TERF1: variants seen among roughly 807,000 people sequenced by gnomAD.
TERF1 encodes telomeric repeat-binding factor 1.
In TERF1, 20 loss-of-function variants were observed where a neutral mutation model predicts 55.1. The ratio of observed to expected loss-of-function variants is 0.36; its 90% CI spans 0.26 to 0.53. TERF1 has a LOEUF of 0.53. Among genes scored for constraint, TERF1 ranks in the 20% least tolerant of loss-of-function variants. The pLI, the probability that TERF1 is intolerant of heterozygous loss-of-function variation, is 0.91. For missense variants in TERF1, 439 were observed against 535.7 expected, an observed-to-expected ratio of 0.82 and a Z score of 1.78; for synonymous variants, 168 against 181.2, an observed-to-expected ratio of 0.93 and a Z score of 0.59.
intron 2 of TERF1, among the ~76,000 whole-genome samples, chr8:73,017,895 G>A (rs56258810): frequency 0.012 from 1,758 of 152,126 alleles, 39 homozygotes; most frequent in African/African-American, 0.04. Flanking sequence ...TAGAGACAGG[G>A]TTTCACCATG....
intron 8 of TERF1, among the ~76,000 whole-genome samples, chr8:73,038,505 A>C (rs1003404744): frequency 6.6e-6 from 1 of 151,856 alleles, no homozygotes; most frequent in Non-Finnish European, 1.5e-5. Flanking sequence ...TTTTGTGGCT[A>C]TTGTAAATAG....
At chr8:73,019,585 G>C (rs1173515078) in intron 2 of TERF1, among the ~76,000 whole-genome samples, 1 of 152,136 alleles carries the variant, frequency 6.6e-6, no homozygotes, top group Admixed American at 6.5e-5. Flanking sequence ...ACGCTGGAAG[G>C]CTGTGGTGTC....
chr8:73,037,701 ATAT>A lies in TERF1; in HGVS notation c.1040-1411_1040-1409del, dbSNP rs1348426096. On this transcript the variant is annotated intron_variant, in intron 8 of 9. Transcript: ENST00000276603. ...TATATAATATATATTATATAGTATA[ATAT>A]TATATTATATATAATATATATTATA... 2.3e-3 allele frequency among the ~76,000 whole-genome samples: 36 copies of A among 15,704 alleles called. 1 individual carries two copies. Among genetic ancestry groups the A allele is most frequent in the African/African-American group, 5.7e-3 (32 of 5,620 alleles). The allele number at this position is 15,704 out of a possible 152,430, so 10.3% of individuals were successfully genotyped here. A position where few individuals can be genotyped will look rare whatever the true frequency, so the allele number is the denominator to read the frequency against.
At chr8:73,025,121 A>G (rs1808923879) in intron 5 of TERF1, 150 bp downstream of exon 5, 2 of 485,392 alleles carry the variant, frequency 4.1e-6, no homozygotes, top group Non-Finnish European at 6.8e-6. Context: ...CATTTTGTGG[A>G]CCTAATTAAA....
At chr8:73,026,874 G>A in intron 5 of TERF1, 66 bp from the exon 6 acceptor site, 1 of 1,184,784 alleles carries the variant, frequency 8.4e-7, no homozygotes, top group South Asian at 1.3e-5. Flanking sequence ...TTAATTTAAT[G>A]CTATTTGTTT....
At chr8:73,023,883 A>T (rs1248477250) in intron 4 of TERF1, among the ~76,000 whole-genome samples, 3 of 152,198 alleles carry the variant, frequency 2.0e-5, no homozygotes, top group Non-Finnish European at 4.4e-5. Flanking sequence ...CTTCTTTGGG[A>T]GATCATTTTA....
At chr8:73,037,952 T>C (rs1006820720) in intron 8 of TERF1, among the ~76,000 whole-genome samples, 1 of 132,256 alleles carries the variant, frequency 7.6e-6, no homozygotes, top group African/African-American at 2.8e-5. Flanking sequence ...ATATAAAACA[T>C]ATATATATTT....
At chr8:73,025,608 T>A (rs1175425224) in intron 5 of TERF1, among the ~76,000 whole-genome samples, 1 of 151,600 alleles carries the variant, frequency 6.6e-6, no homozygotes, top group Non-Finnish European at 1.5e-5. Context: ...TACAAAAAAA[T>A]TAGCTGGGTG....
intron 6 of TERF1, among the ~76,000 whole-genome samples, chr8:73,028,480 A>G (rs1353892865): frequency 6.6e-6 from 1 of 151,898 alleles, no homozygotes; most frequent in Non-Finnish European, 1.5e-5. Flanking sequence ...ATCTCTTTAG[A>G]TCACTCCCAG....
chr8:73,016,757 C>A (rs1808526120), intron 2 of TERF1, among the ~76,000 whole-genome samples: 1 of 152,112 alleles, frequency 6.6e-6, no homozygotes, highest in African/African-American at 2.4e-5. Context: ...CAGCACATGT[C>A]CTGTGGAGAA....
intron 8 of TERF1, 131 bp from the exon 9 acceptor site, chr8:73,038,985 G>C (rs1809718104): frequency 2.5e-6 from 2 of 807,116 alleles, no homozygotes; most frequent in Non-Finnish European, 3.7e-6. Flanking sequence ...CAGATTTGAA[G>C]GAAAAAGTTA....
intron 2 of TERF1, among the ~76,000 whole-genome samples, chr8:73,014,976 A>G (rs990104176): frequency 1.3e-5 from 2 of 152,246 alleles, no homozygotes; most frequent in Admixed American, 6.5e-5. Context: ...CATGCAGACT[A>G]TAAGTTGACA....
chr8:73,014,110 G>T (rs1325764129), intron 2 of TERF1, 120 bp downstream of exon 2: 7 of 719,164 alleles, frequency 9.7e-6, no homozygotes, highest in Non-Finnish European at 1.4e-5. Flanking sequence ...GCATAGGGGT[G>T]TGGGGGGGTG....
intron 8 of TERF1, among the ~76,000 whole-genome samples, chr8:73,034,428 C>T (rs900732462): frequency 3.2e-5 from 4 of 123,364 alleles, no homozygotes; most frequent in South Asian, 2.6e-4. Context: ...CCACCACACC[C>T]GGCCTTTTTG....
intron 3 of TERF1, 104 bp downstream of exon 3, chr8:73,020,909 A>G: frequency 3.9e-6 from 3 of 766,634 alleles, no homozygotes; most frequent in East Asian, 2.8e-5. Context: ...AATTTAATGT[A>G]TTGTTTCTCT....
rs145108897 is a variant in TERF1, at chr8:73,029,406, C to G, written c.888-930C>G. The stretch of plus-strand genomic sequence containing the variant: ...TTGAAAGGCTGAGGCAGGAGGATCA[C>G]TTGAGCCCAGGAGTTTGAGACCAGC... On this transcript the variant is annotated intron_variant, in intron 6 of 9. Transcript: ENST00000276603. Among the ~76,000 whole-genome samples the G allele has an allele frequency of 3.6e-3, 543 of 152,124 alleles. 7 individuals carry two copies. Among genetic ancestry groups the G allele is most frequent in the African/African-American group, 0.013 (520 of 41,502 alleles).
chr8:73,034,371 A>G (rs75749641), intron 8 of TERF1, among the ~76,000 whole-genome samples: 7,480 of 152,034 alleles, frequency 0.049, 480 homozygotes, highest in African/African-American at 0.15. Context: ...ACCTCAGGCA[A>G]TCCGCCCACC....
At position 73,024,909 on chromosome 8, in the gene TERF1, G is replaced by A; in HGVS notation, c.712G>A (p.Glu238Lys). The A allele has an allele frequency of 6.3e-7, 1 of 1,585,394 alleles. No individual in the cohort carries two copies. Among genetic ancestry groups the A allele is most frequent in the Non-Finnish European group, 8.6e-7 (1 of 1,169,344 alleles). Residue 238 changes from glutamate to lysine, a missense_variant, in exon 5 of 10, where the codon GAG becomes AAG. Glu to Lys is a moderately conservative substitution (Grantham distance 56). Coordinates refer to ENST00000276603, the MANE Select transcript of TERF1 (RefSeq NM_017489.3). ...FQHFSYNHMM[E>K]KIKSYVNYVL... The stretch of plus-strand genomic sequence containing the variant: ...ACACTTCAGCTACAACCACATGATG[G>A]AGAAAATTAAGAGTTATGTGAATTA...
chr8:73,029,891 C>G (rs980882560), intron 6 of TERF1: 1 of 152,572 alleles, frequency 6.6e-6, no homozygotes, highest in Non-Finnish European at 1.5e-5. Flanking sequence ...TTAACTATAA[C>G]AAACGGGAAC....
Sources: allele counts gnomAD v4.1 joint callset (sites outside exome capture counted in the v4.1 genomes callset), GRCh38; gene constraint gnomAD v4.1.1; transcripts MANE v1.5; gene names NCBI Gene and HGNC (gene_info 2026-07-23, HGNC 2026-07-21).